Variants in SVIL observed in about 807,000 individuals in gnomAD.
The protein encoded by SVIL is supervillin, also known as archvillin.
SVIL carries 101 observed loss-of-function variants against 240.4 expected under a neutral mutation model. The ratio of observed to expected loss-of-function variants is 0.42; its 90% CI spans 0.36 to 0.50. The LOEUF (loss-of-function observed/expected upper bound fraction) is 0.50. Ranked by LOEUF, SVIL falls within the 20% of genes least tolerant of loss-of-function variation. SVIL has a pLI of 0.01. For missense variants in SVIL, 2,512 were observed against 2,818.7 expected, an observed-to-expected ratio of 0.89 and a Z score of 2.46; for synonymous variants, 999 against 1,100.0, an observed-to-expected ratio of 0.91 and a Z score of 1.82.
At chr10:29,617,343 G>T (rs182382347) in intron 1 of SVIL, among the ~76,000 whole-genome samples, 1 of 152,244 alleles carries the variant, frequency 6.6e-6, no homozygotes, top group Admixed American at 6.5e-5. Flanking sequence ...AGAGGATAAA[G>T]AAAGAGTTTT....
intron 1 of SVIL, among the ~76,000 whole-genome samples, chr10:29,613,012 C>G (rs1161745875): frequency 6.6e-6 from 1 of 151,960 alleles, no homozygotes; most frequent in African/African-American, 2.4e-5. Flanking sequence ...CTGGTCTCTA[C>G]TAAAAATACA....
upstream of SVIL, among the ~76,000 whole-genome samples, chr10:29,636,102 GTTTT>G (rs561377211): frequency 1.5e-5 from 2 of 137,752 alleles, no homozygotes; most frequent in Admixed American, 7.4e-5. Flanking sequence ...CCAGTCAACT[GTTTT>G]TTTTTTTTTT....
intron 2 of SVIL, among the ~76,000 whole-genome samples, chr10:29,673,981 C>A (rs116828772): frequency 1.4e-3 from 211 of 152,188 alleles, no homozygotes; most frequent in African/African-American, 4.6e-3. Flanking sequence ...GTATGATATG[C>A]CTTGTCTATA....
At chr10:29,567,192 C>T (rs1267175607) in intron 2 of SVIL, among the ~76,000 whole-genome samples, 1 of 152,112 alleles carries the variant, frequency 6.6e-6, no homozygotes, top group Non-Finnish European at 1.5e-5. Flanking sequence ...TTAAACGTGT[C>T]CCGTTAACCT....
intron 24 of SVIL, among the ~76,000 whole-genome samples, chr10:29,486,764 T>C (rs533653325): frequency 2.6e-5 from 4 of 152,312 alleles, no homozygotes; most frequent in African/African-American, 9.6e-5. Flanking sequence ...TTTAGAGCAA[T>C]AGTTCTCCAT....
intron 3 of SVIL, among the ~76,000 whole-genome samples, chr10:29,558,894 C>T (rs1406267062): frequency 6.7e-6 from 1 of 150,122 alleles, no homozygotes; most frequent in Non-Finnish European, 1.5e-5. Flanking sequence ...TGCCACTACA[C>T]TCCAGCCTGA....
Position 29,512,796 on chromosome 10 carries a change from C to T in SVIL, c.3455G>A (p.Gly1152Asp). ...CAGGCTGCTGGCCGGCGCCTTGCCG[C>T]CCTCCTGCCTCCTGCTGAGTCTGTT... ...WRNRLSRRQE[G>D]GKAPASSLHT... Residue 1152 changes from glycine (G) to aspartate (D), a missense_variant, in exon 17 of 38, where the codon GGC becomes GAC. Around this residue, in one of 3 missense-constraint regions of SVIL, gnomAD observed 1,443 missense variants for 1,486.6 expected, o/e 0.97. Coordinates refer to ENST00000355867, the MANE Select transcript of SVIL (RefSeq NM_021738.3). 1 of 1,613,394 alleles carries T rather than the reference C, an allele frequency of 6.2e-7. No homozygotes were observed. The highest frequency in any genetic ancestry group is 8.5e-7 in the Non-Finnish European group (1 of 1,180,020).
At chr10:29,474,036 C>T (rs774093842) in intron 29 of SVIL, 47 bp from the exon 30 acceptor site, 8 of 1,594,052 alleles carry the variant, frequency 5.0e-6, no homozygotes, top group Non-Finnish European at 6.8e-6. Context: ...CTGAGACACC[C>T]GAGGAGAAGC....
At chr10:29,522,139 TA>T (rs1336789128) in intron 16 of SVIL, among the ~76,000 whole-genome samples, 1 of 151,988 alleles carries the variant, frequency 6.6e-6, no homozygotes, top group Non-Finnish European at 1.5e-5. Context: ...AACAAATAAA[TA>T]AAACAGAAGT....
intron 2 of SVIL, among the ~76,000 whole-genome samples, chr10:29,682,751 T>C (rs1203512241): frequency 6.6e-6 from 1 of 152,220 alleles, no homozygotes; most frequent in Non-Finnish European, 1.5e-5. Flanking sequence ...GTATGTTAGC[T>C]ACAGGAATGG....
Position 29,490,831 on chromosome 10 carries a change from G to A in SVIL, c.4192+16C>T, listed in dbSNP as rs760171373. 2.7e-5 allele frequency: 44 copies of A among 1,612,292 alleles called. No individual in the cohort carries two copies. The highest frequency in any genetic ancestry group is 1.3e-4 in the Admixed American group (8 of 59,962). ...ATTCCCAAACACAGAAGCAGGGTGG[G>A]GGTTCAAATACTCACTCTTTTCTAC... On this transcript the variant is annotated intron_variant, in intron 22 of 37. Coordinates refer to ENST00000355867, the MANE Select transcript of SVIL (RefSeq NM_021738.3).
At chr10:29,607,198 G>A (rs1317789301) in intron 1 of SVIL, among the ~76,000 whole-genome samples, 2 of 152,148 alleles carry the variant, frequency 1.3e-5, no homozygotes, top group Non-Finnish European at 1.5e-5. Flanking sequence ...TAAATGACAC[G>A]TTTCAAAATT....
At chr10:29,662,072 C>T (rs903800021) in intron 2 of SVIL, among the ~76,000 whole-genome samples, 25 of 152,220 alleles carry the variant, frequency 1.6e-4, no homozygotes, top group African/African-American at 5.8e-4. Flanking sequence ...CAACAACCCC[C>T]ACTGCAGACC....
intron 1 of SVIL, among the ~76,000 whole-genome samples, chr10:29,611,655 T>C (rs978294205): frequency 2.0e-5 from 3 of 152,222 alleles, no homozygotes; most frequent in African/African-American, 4.8e-5. Flanking sequence ...TAAGGATAGT[T>C]ATTGTCAGAT....
exon 2 of SVIL, chr10:29,686,580 G>A (rs1297682843): frequency 6.6e-6 from 1 of 152,110 alleles, no homozygotes; most frequent in African/African-American, 2.4e-5. Context: ...AAAACTCAGT[G>A]AGAATCCACC....
chr10:29,513,051 G>A (rs1008195616), intron 16 of SVIL, among the ~76,000 whole-genome samples, 190 bp from the exon 17 acceptor site: 4 of 152,192 alleles, frequency 2.6e-5, no homozygotes, highest in Non-Finnish European at 5.9e-5. Context: ...TTCTAAGATG[G>A]CCCGAAGATT....
At chr10:29,689,478 G>A (rs1424202358) in intron 1 of SVIL, among the ~76,000 whole-genome samples, 1 of 152,146 alleles carries the variant, frequency 6.6e-6, no homozygotes, top group Admixed American at 6.6e-5. Flanking sequence ...TAGAGATGGG[G>A]TTTCACTATA....
intron 1 of SVIL, among the ~76,000 whole-genome samples, chr10:29,690,160 C>T (rs150192411): frequency 1.9e-4 from 29 of 152,248 alleles, no homozygotes; most frequent in African/African-American, 6.0e-4. Flanking sequence ...AATGTAGAAT[C>T]GCCTCATTTT....
At position 29,527,946 on chromosome 10, in the gene SVIL, CT is replaced by C. The variant is rs1401338046; in HGVS notation, c.2247-891del. 5.3e-5 allele frequency among the ~76,000 whole-genome samples: 8 copies of C among 152,006 alleles called. No individual in the cohort carries two copies. In the East Asian group the frequency reaches 1.6e-3, roughly 30 times the overall value. ...GTTTCACCATGTTGGCCAGGCTGGT[CT>C]TGAACTCCTGACTTCAGGTGATCCA... On this transcript the variant is annotated intron_variant, in intron 12 of 37. Coordinates refer to ENST00000355867, the MANE Select transcript of SVIL (RefSeq NM_021738.3).
Sources: gnomAD v4.1 joint callset for allele counts (sites outside exome capture counted in the v4.1 genomes callset) on GRCh38, gnomAD v4.1.1 for gene constraint, gnomAD v4.1.1 regional missense constraint, MANE v1.5 for transcripts, NCBI Gene and HGNC (gene_info 2026-07-23, HGNC 2026-07-21) for gene names.